SKA1: variants seen among roughly 807,000 people sequenced by gnomAD.
The protein encoded by SKA1 is SKA complex subunit 1.
SKA1 carries 20 observed loss-of-function variants against 31.8 expected under a neutral mutation model. That is an observed-to-expected ratio of 0.63 (90% CI 0.44 to 0.91). The LOEUF (loss-of-function observed/expected upper bound fraction) is 0.91, where lower values mean the gene tolerates loss of function less well. SKA1 is among the 40% of genes least tolerant of loss of function. The probability of loss-of-function intolerance (pLI) is 0.00; values close to 1 mark genes in which losing one functional copy is unlikely to be tolerated. For missense variants in SKA1, 253 were observed against 298.2 expected (o/e 0.85, Z 1.12); for synonymous variants, 88 against 100.5 (o/e 0.88, Z 0.74).
At position 50,380,257 on chromosome 18, in the gene SKA1, T is replaced by C. The variant is rs776138864; in HGVS notation, c.213+7T>C. ...AACCAACAATTCACTCAAGGTAATG[T>C]TTCTCTAATGAGGAAGCAGTAAAAA... On this transcript the variant is annotated splice_region_variant and intron_variant, in intron 3 of 6. Transcript: ENST00000285116. 3 of 1,541,902 alleles carry C rather than the reference T, an allele frequency of 1.9e-6. No individual in the cohort carries two copies. Among genetic ancestry groups the C allele is most frequent in the Admixed American group, 2.5e-5 (1 of 40,622 alleles).
At chr18:50,387,825 G>T (rs1453567098) in intron 5 of SKA1, among the ~76,000 whole-genome samples, 3 of 152,152 alleles carry the variant, frequency 2.0e-5, no homozygotes, top group Non-Finnish European at 4.4e-5. Flanking sequence ...TGAGTTAGTG[G>T]TTTGATACTT....
intron 3 of SKA1, among the ~76,000 whole-genome samples, chr18:50,381,788 C>T (rs1026971893): frequency 4.3e-5 from 6 of 139,154 alleles, no homozygotes; most frequent in African/African-American, 1.1e-4. Context: ...TGCAGTGGCG[C>T]GATCTCAGCT....
intron 2 of SKA1, among the ~76,000 whole-genome samples, chr18:50,378,928 C>T (rs1322952995): frequency 6.6e-6 from 1 of 152,122 alleles, no homozygotes; most frequent in Non-Finnish European, 1.5e-5. Context: ...TTAGCATTTA[C>T]TGAGTATTAC....
intron 4 of SKA1, among the ~76,000 whole-genome samples, chr18:50,383,931 G>A (rs943497028): frequency 1.3e-5 from 2 of 152,170 alleles, no homozygotes; most frequent in East Asian, 1.9e-4. Context: ...AGCGTGCAGC[G>A]TGGCCGAGTC....
intron 4 of SKA1, 151 bp from the exon 5 acceptor site, chr18:50,385,065 G>A: frequency 1.7e-6 from 1 of 593,424 alleles, no homozygotes; most frequent in East Asian, 2.9e-5. Flanking sequence ...TAATGTTCAT[G>A]AACAATAGAC....
intron 3 of SKA1, among the ~76,000 whole-genome samples, chr18:50,381,199 G>C (rs1237011561): frequency 3.9e-5 from 6 of 152,206 alleles, no homozygotes; most frequent in African/African-American, 1.4e-4. Context: ...ATTGTGATTG[G>C]GAGCCAGATG....
chr18:50,388,476 T>G (rs2041328893), intron 5 of SKA1, among the ~76,000 whole-genome samples: 1 of 152,238 alleles, frequency 6.6e-6, no homozygotes. Flanking sequence ...TGTAGCTTGC[T>G]AAGTGTTAGT....
At chr18:50,384,360 C>G (rs1045475098) in intron 4 of SKA1, among the ~76,000 whole-genome samples, 1 of 152,106 alleles carries the variant, frequency 6.6e-6, no homozygotes, top group Non-Finnish European at 1.5e-5. Context: ...TGACTTGCTG[C>G]TGGCAACATC....
intron 4 of SKA1, among the ~76,000 whole-genome samples, chr18:50,384,622 G>A (rs865997983): frequency 1.7e-4 from 25 of 148,834 alleles, no homozygotes; most frequent in African/African-American, 5.6e-4. Flanking sequence ...AGTTAGGGAC[G>A]TCAGGAAGAC....
At chr18:50,379,934 T>C (rs1043797915) in intron 2 of SKA1, among the ~76,000 whole-genome samples, 192 bp from the exon 3 acceptor site, 1 of 152,206 alleles carries the variant, frequency 6.6e-6, no homozygotes, top group African/African-American at 2.4e-5. Context: ...GCCTCTCGCC[T>C]CCTTCTGTTC....
chr18:50,375,889 T>G lies in SKA1; in HGVS notation c.59T>G (p.Ile20Ser). 5 of 1,609,622 alleles carry G rather than the reference T, an allele frequency of 3.1e-6. No individual in the cohort carries two copies. The highest frequency in any genetic ancestry group is 4.2e-6 in the Non-Finnish European group (5 of 1,177,534). ...CSHVNEKIGN[I>S]KKTLSLRNCG... The stretch of plus-strand genomic sequence containing the variant: ...CATGTTAATGAAAAGATTGGCAATA[T>G]TAAGAAAACCTTATCATTAAGAAAC... Residue 20 changes from isoleucine (I) to serine (S), a missense_variant, in exon 2 of 7, where the codon ATT becomes AGT. Ile to Ser is a moderately radical substitution (Grantham distance 142). Transcript: ENST00000285116.
intron 4 of SKA1, among the ~76,000 whole-genome samples, chr18:50,384,871 T>TAAAAAAAAAAAAAAAAAAATG: frequency 1.2e-5 from 1 of 82,600 alleles, no homozygotes; most frequent in Non-Finnish European, 2.1e-5. Flanking sequence ...AAAAAAAAAT[T>TAAAAAAAAAAAAAAAAAAATG]AAAAAAAAAA....
rs920202934 is a variant in SKA1 at position 50,393,889 on chromosome 18, T to C, written c.*1642T>C. ...ACATCATGATTGGAAGTTTCAAACT[T>C]TCAGTCTCCCACCTCCAGAGAGGGG... On this transcript the variant is annotated 3_prime_UTR_variant, in exon 7 of 7. Coordinates refer to ENST00000285116, the MANE Select transcript of SKA1 (RefSeq NM_145060.4). The C allele has an allele frequency of 6.6e-6, 1 of 152,146 alleles. No homozygotes were observed. The highest frequency in any genetic ancestry group is 2.4e-5 in the African/African-American group (1 of 41,426). The allele number at this position is 152,146 out of a possible 1,614,324, so 9.4% of individuals were successfully genotyped here.
intron 5 of SKA1, among the ~76,000 whole-genome samples, chr18:50,390,704 C>CTT (rs2041349736): frequency 6.6e-6 from 1 of 151,946 alleles, no homozygotes; most frequent in African/African-American, 2.4e-5. Context: ...TCCTTTTTTT[C>CTT]TCTTTCTTTC....
chr18:50,381,277 A>G (rs1212863188), intron 3 of SKA1, among the ~76,000 whole-genome samples: 1 of 152,244 alleles, frequency 6.6e-6, no homozygotes, highest in African/African-American at 2.4e-5. Flanking sequence ...CTCAAGTTCT[A>G]GTAAAAGTTA....
chr18:50,375,101 C>G lies in SKA1; in HGVS notation c.-105C>G, dbSNP rs11663953. The G allele has an allele frequency of 2.8e-4, 43 of 152,342 alleles. No individual in the cohort carries two copies. The highest frequency in any genetic ancestry group is 1.0e-3 in the African/African-American group (42 of 41,448). 9.4% of individuals were successfully genotyped at this position (152,342 alleles called of 1,614,324 possible). On this transcript the variant is annotated 5_prime_UTR_variant, in exon 1 of 7. Coordinates refer to ENST00000285116, the MANE Select transcript of SKA1 (RefSeq NM_145060.4). ...GCGGTTTGAATTTTGCTTACAGAGT[C>G]CCGTCTCACCATCCTGGGCTTCCAA...
In SKA1 at chr18:50,392,219, G is replaced by A. The variant is rs1171574416; in HGVS notation, c.740G>A (p.Gly247Glu). ...HCRRLSEVRG[G>E]GLTRYVIT is the part of the protein sequence containing the mutation. Reference sequence around the variant, plus strand: ...CGGAGGCTATCAGAGGTCCGAGGGGGAGGACTTACTCGTTATGTTATAACC... The same window carrying A: ...CGGAGGCTATCAGAGGTCCGAGGGGAAGGACTTACTCGTTATGTTATAACC... Residue 247 changes from glycine to glutamate, a missense_variant, in exon 7 of 7, where the codon GGA becomes GAA. Transcript: ENST00000285116. 1 of 1,597,290 alleles carries A rather than the reference G, an allele frequency of 6.3e-7. No homozygotes were observed. The highest frequency in any genetic ancestry group is 1.4e-5 in the African/African-American group (1 of 73,788).
intron 3 of SKA1, among the ~76,000 whole-genome samples, chr18:50,380,468 A>G (rs7243684): frequency 0.72 from 110,022 of 152,118 alleles, 39,935 homozygotes; most frequent in East Asian, 0.81. Flanking sequence ...AACTTTACTA[A>G]AAAGGAGAGT....
At chr18:50,380,746 A>G (rs977985780) in intron 3 of SKA1, among the ~76,000 whole-genome samples, 1 of 152,214 alleles carries the variant, frequency 6.6e-6, no homozygotes, top group Non-Finnish European at 1.5e-5. Context: ...TTCTCAGGTA[A>G]AGAAAAACTT....
Sources: allele counts gnomAD v4.1 joint callset (sites outside exome capture counted in the v4.1 genomes callset), GRCh38; gene constraint gnomAD v4.1.1; transcripts MANE v1.5; gene names NCBI Gene and HGNC (gene_info 2026-07-23, HGNC 2026-07-21).